The following TMEM245 variants were observed in gnomAD, a reference collection of about 807,000 sequenced individuals.
TMEM245 encodes protein CG-2.
Under a neutral mutation model 101.2 loss-of-function variants are expected in TMEM245, and 69 were observed. The ratio of observed to expected loss-of-function variants is 0.68; its 90% CI spans 0.56 to 0.83. The LOEUF is 0.83. Ranked by LOEUF, TMEM245 falls within the 40% of genes least tolerant of loss-of-function variation. The probability of loss-of-function intolerance (pLI) is 0.00; values close to 1 mark genes in which losing one functional copy is unlikely to be tolerated. For missense variants in TMEM245, 1,075 were observed against 1,092.8 expected (o/e 0.98, Z 0.23); for synonymous variants, 537 against 449.8 (o/e 1.19, Z -2.45).
intron 17 of TMEM245, among the ~76,000 whole-genome samples, chr9:109,028,944 G>A (rs1037843380): frequency 1.3e-5 from 2 of 152,154 alleles, no homozygotes; most frequent in African/African-American, 2.4e-5. Context: ...AGTTTTGCCT[G>A]AACTCCCGAC....
intron 14 of TMEM245, among the ~76,000 whole-genome samples, chr9:109,040,710 G>A (rs951362632): frequency 3.9e-5 from 6 of 152,186 alleles, no homozygotes; most frequent in African/African-American, 9.7e-5. Flanking sequence ...AGCTTTTGGT[G>A]TTTCTTTCAC....
At chr9:109,059,785 A>G (rs1828953592) in intron 11 of TMEM245, among the ~76,000 whole-genome samples, 1 of 152,066 alleles carries the variant, frequency 6.6e-6, no homozygotes, top group African/African-American at 2.4e-5. Flanking sequence ...CTACAGTTGT[A>G]CTGTCTAAAA....
chr9:109,036,466 A>G, intron 15 of TMEM245, 86 bp from the exon 16 acceptor site: 1 of 1,264,214 alleles, frequency 7.9e-7, no homozygotes. Context: ...GCTCCTCCTC[A>G]ACAACTTCCA....
At chr9:109,039,925 T>G (rs1828253402) in intron 14 of TMEM245, among the ~76,000 whole-genome samples, 1 of 152,106 alleles carries the variant, frequency 6.6e-6, no homozygotes, top group East Asian at 1.9e-4. Context: ...GATCCTTTCT[T>G]TAACCTTATG....
chr9:109,023,428 A>G (rs1827694121), intron 17 of TMEM245, among the ~76,000 whole-genome samples: 1 of 152,230 alleles, frequency 6.6e-6, no homozygotes, highest in African/African-American at 2.4e-5. Flanking sequence ...TATTGACACT[A>G]TTTTCTGAAA....
At chr9:109,080,757 C>A (rs1829643298) in intron 8 of TMEM245, 82 bp downstream of exon 8, 2 of 807,378 alleles carry the variant, frequency 2.5e-6, no homozygotes. Context: ...ATTTTCCATG[C>A]CCCTTCTGCT....
chr9:109,101,260 G>A (rs2132616539), intron 3 of TMEM245, among the ~76,000 whole-genome samples: 1 of 152,304 alleles, frequency 6.6e-6, no homozygotes, highest in Admixed American at 6.5e-5. Flanking sequence ...AAGCTCAGAA[G>A]ACATAGAGAA....
chr9:109,071,761 T>G (rs1210256010), intron 9 of TMEM245, among the ~76,000 whole-genome samples: 1 of 152,142 alleles, frequency 6.6e-6, no homozygotes, highest in Non-Finnish European at 1.5e-5. Flanking sequence ...ATGACTGTCT[T>G]GAGGTTAATA....
intron 7 of TMEM245, among the ~76,000 whole-genome samples, chr9:109,085,298 A>G (rs1034336718): frequency 6.6e-6 from 1 of 152,216 alleles, no homozygotes; most frequent in African/African-American, 2.4e-5. Flanking sequence ...TAATTTAAAC[A>G]TTACGATATG....
At chr9:109,028,561 G>A (rs1588017059) in intron 17 of TMEM245, among the ~76,000 whole-genome samples, 1 of 152,116 alleles carries the variant, frequency 6.6e-6, no homozygotes, top group African/African-American at 2.4e-5. Flanking sequence ...TGGGATTTGG[G>A]ATGCTCAACA....
At chr9:109,041,342 T>C (rs562979013) in intron 14 of TMEM245, among the ~76,000 whole-genome samples, 1 of 151,920 alleles carries the variant, frequency 6.6e-6, no homozygotes, top group Admixed American at 6.6e-5. Flanking sequence ...CTGGAGGACA[T>C]TATGGTAAGT....
At chr9:109,021,698 GAGGCTA>G (rs1827628874) in intron 17 of TMEM245, among the ~76,000 whole-genome samples, 1 of 151,978 alleles carries the variant, frequency 6.6e-6, no homozygotes, top group South Asian at 2.1e-4. Context: ...ATACTTTTGG[GAGGCTA>G]AGGTGGGAGG....
chr9:109,066,449 T>C (rs1010948064), intron 9 of TMEM245, among the ~76,000 whole-genome samples: 1 of 29,464 alleles, frequency 3.4e-5, no homozygotes, highest in African/African-American at 1.6e-4. Flanking sequence ...AGCAAGACTG[T>C]CTCAAAAAAA....
intron 14 of TMEM245, among the ~76,000 whole-genome samples, chr9:109,043,195 T>A (rs1006516382): frequency 1.3e-5 from 2 of 152,174 alleles, no homozygotes; most frequent in South Asian, 4.1e-4. Flanking sequence ...TTTTGGATAG[T>A]CAATTTCAGT....
chr9:109,041,883 C>T (rs1466318742), intron 14 of TMEM245, among the ~76,000 whole-genome samples: 1 of 151,988 alleles, frequency 6.6e-6, no homozygotes, highest in Non-Finnish European at 1.5e-5. Context: ...GTAATCCTAA[C>T]GCTGTCAGAG....
At chr9:109,093,739 AT>A (rs1830068221) in intron 3 of TMEM245, 148 bp from the exon 4 acceptor site, 1 of 706,444 alleles carries the variant, frequency 1.4e-6, no homozygotes, top group African/African-American at 1.8e-5. Context: ...AGGAAGAACC[AT>A]TAAGAATTGA....
Position 109,020,289 on chromosome 9 carries a change from C to T in TMEM245, c.*171G>A, listed in dbSNP as rs532943631. The T allele has an allele frequency of 2.8e-6, 2 of 724,002 alleles. No homozygotes were observed. Among genetic ancestry groups the T allele is most frequent in the Non-Finnish European group, 5.1e-6 (2 of 393,456 alleles). The allele number at this position is 724,002 out of a possible 1,614,324, so 44.8% of individuals were successfully genotyped here. A position where few individuals can be genotyped will look rare whatever the true frequency, so the allele number is the denominator to read the frequency against. ...GCTGTGTTTTAAAATACAAAGCAGCCCGCAGCAAGTTCTCTCTTGTCCAGG... is the reference window on the plus strand; with the variant it reads ...GCTGTGTTTTAAAATACAAAGCAGCTCGCAGCAAGTTCTCTCTTGTCCAGG... On this transcript the variant is annotated 3_prime_UTR_variant, in exon 18 of 18. Transcript: ENST00000374586.
intron 12 of TMEM245, among the ~76,000 whole-genome samples, chr9:109,053,488 G>C (rs575194721): frequency 6.6e-6 from 1 of 152,190 alleles, no homozygotes; most frequent in Non-Finnish European, 1.5e-5. Flanking sequence ...TTTGGTATCA[G>C]TTTAATCAAC....
intron 16 of TMEM245, among the ~76,000 whole-genome samples, chr9:109,035,264 A>C (rs565588812): frequency 2.0e-5 from 3 of 152,028 alleles, no homozygotes; most frequent in Non-Finnish European, 4.4e-5. Context: ...CTTAAGTATT[A>C]ATCATACTTA....
Sources: allele counts gnomAD v4.1 joint callset (sites outside exome capture counted in the v4.1 genomes callset), GRCh38; gene constraint gnomAD v4.1.1; transcripts MANE v1.5; gene names NCBI Gene and HGNC (gene_info 2026-07-23, HGNC 2026-07-21).